FARS2: variants seen among roughly 807,000 people sequenced by gnomAD.
The protein encoded by FARS2 is phenylalanine--tRNA ligase, mitochondrial.
FARS2 carries 40 observed loss-of-function variants against 46.4 expected under a neutral mutation model. The observed-to-expected ratio is 0.86, with a 90% CI of 0.67 to 1.12. The LOEUF (loss-of-function observed/expected upper bound fraction) is 1.12. FARS2 is among the 50% of genes most tolerant of loss of function. FARS2 has a pLI of 0.00. For missense variants in FARS2, 513 were observed against 567.9 expected (o/e 0.90, Z 0.98); for synonymous variants, 234 against 214.9 (o/e 1.09, Z -0.78).
At chr6:5,659,502 C>T (rs1777751599) in intron 6 of FARS2, among the ~76,000 whole-genome samples, 1 of 152,200 alleles carries the variant, frequency 6.6e-6, no homozygotes, top group African/African-American at 2.4e-5. Flanking sequence ...CTCCCCTGTA[C>T]TGGTATGCCT....
Position 5,332,407 on chromosome 6 carries a change from TAGAA to T in FARS2, c.-21-36138_-21-36135del, listed in dbSNP as rs769377685. ...CAATATATGAAGTGCTAAGAATCAA[TAGAA>T]AGAAGTATATGGTTATAAAAAAGAA... is the stretch of plus-strand genomic sequence containing the variant. On this transcript the variant is annotated intron_variant, in intron 1 of 6. Transcript: ENST00000274680. Among the ~76,000 whole-genome samples the T allele has an allele frequency of 8.7e-4, 132 of 152,166 alleles. 1 individual carries two copies. The highest frequency in any genetic ancestry group is 1.9e-3 in the South Asian group (9 of 4,820).
chr6:5,357,463 T>A (rs940566649), intron 1 of FARS2, among the ~76,000 whole-genome samples: 5 of 152,150 alleles, frequency 3.3e-5, no homozygotes, highest in Admixed American at 1.3e-4. Flanking sequence ...GTAAGTTTAG[T>A]GAGTGTTTTA....
intron 1 of FARS2, among the ~76,000 whole-genome samples, chr6:5,298,128 C>A (rs1390247618): frequency 6.6e-6 from 1 of 152,220 alleles, no homozygotes. Flanking sequence ...AGAGGATATG[C>A]ATTTTCCCTC....
intron 3 of FARS2, among the ~76,000 whole-genome samples, chr6:5,418,067 A>G (rs1305968439): frequency 6.6e-6 from 1 of 152,138 alleles, no homozygotes; most frequent in East Asian, 1.9e-4. Flanking sequence ...TCTTTTTAAT[A>G]TCATCCCTGT....
At chr6:5,503,976 A>G (rs1014293323) in intron 4 of FARS2, among the ~76,000 whole-genome samples, 2 of 152,212 alleles carry the variant, frequency 1.3e-5, no homozygotes, top group African/African-American at 4.8e-5. Context: ...AAAGTATTCA[A>G]TTACTGGAGT....
chr6:5,293,514 G>A (rs1173117245), intron 1 of FARS2, among the ~76,000 whole-genome samples: 1 of 152,078 alleles, frequency 6.6e-6, no homozygotes, highest in Non-Finnish European at 1.5e-5. Flanking sequence ...CACAACACTG[G>A]GCCATGTGAT....
chr6:5,396,089 T>G (rs1232064651), intron 2 of FARS2, among the ~76,000 whole-genome samples: 1 of 140,102 alleles, frequency 7.1e-6, no homozygotes, highest in Non-Finnish European at 1.5e-5. Context: ...TTGTATTTAC[T>G]AAATTCATTG....
At chr6:5,256,577 G>A (rs1226979821), upstream of FARS2, among the ~76,000 whole-genome samples, 1 of 143,006 alleles carries the variant, frequency 7.0e-6, no homozygotes, top group Non-Finnish European at 1.5e-5. Flanking sequence ...TTTACACTGT[G>A]TGAGATGGAT....
rs1758053670 is a variant in FARS2 at position 5,695,594 on chromosome 6, G to A, written c.1218-75697G>A. Among the ~76,000 whole-genome samples the A allele has an allele frequency of 2.6e-5, 4 of 152,358 alleles. No individual in the cohort carries two copies. The South Asian group carries it at 8.3e-4, about 32-fold the overall frequency. The stretch of plus-strand genomic sequence containing the variant: ...TCCCAATTTTACAGATGAGGAAATT[G>A]AAGTTCTGGGAGGATGAGTAACTTG... On this transcript the variant is annotated intron_variant, in intron 6 of 6. Transcript: ENST00000274680.
At chr6:5,675,831 G>T (rs138701942) in intron 6 of FARS2, among the ~76,000 whole-genome samples, 1 of 152,110 alleles carries the variant, frequency 6.6e-6, no homozygotes, top group East Asian at 1.9e-4. Flanking sequence ...TAACATATCC[G>T]GTAGGAAGTT....
intron 6 of FARS2, among the ~76,000 whole-genome samples, chr6:5,667,866 T>C (rs912882790): frequency 1.3e-5 from 2 of 152,258 alleles, no homozygotes; most frequent in Non-Finnish European, 2.9e-5. Context: ...AGACAGGTGC[T>C]ATTTCCTCAA....
intron 6 of FARS2, among the ~76,000 whole-genome samples, chr6:5,694,712 G>A (rs1173142857): frequency 2.0e-5 from 3 of 152,040 alleles, no homozygotes; most frequent in Admixed American, 6.6e-5. Context: ...TATATGGAAT[G>A]CCATGTAACG....
At chr6:5,396,795 G>A (rs1183208040) in intron 2 of FARS2, among the ~76,000 whole-genome samples, 1 of 152,178 alleles carries the variant, frequency 6.6e-6, no homozygotes, top group African/African-American at 2.4e-5. Context: ...GGCAAGATGG[G>A]GAAGTCAAAC....
At chr6:5,702,823 G>C (rs774800614) in intron 6 of FARS2, among the ~76,000 whole-genome samples, 1 of 152,168 alleles carries the variant, frequency 6.6e-6, no homozygotes, top group Non-Finnish European at 1.5e-5. Flanking sequence ...AGGACTAAGA[G>C]AATGAGGAGG....
intron 6 of FARS2, among the ~76,000 whole-genome samples, chr6:5,707,665 G>A (rs573287148): frequency 6.6e-6 from 1 of 152,196 alleles, no homozygotes; most frequent in Admixed American, 6.5e-5. Flanking sequence ...CCCCAGGAGG[G>A]GAAGGGCAAA....
chr6:5,271,252 C>T (rs1535296), intron 1 of FARS2, among the ~76,000 whole-genome samples: 4,293 of 152,224 alleles, frequency 0.028, 203 homozygotes, highest in African/African-American at 0.097. Context: ...AGTTTGGGGG[C>T]GCTTGTTTCC....
At chr6:5,595,390 G>T (rs888350487) in intron 5 of FARS2, among the ~76,000 whole-genome samples, 3 of 152,162 alleles carry the variant, frequency 2.0e-5, no homozygotes, top group African/African-American at 7.2e-5. Flanking sequence ...TTTCGCTTCT[G>T]TCGGCATTCT....
At position 5,694,053 on chromosome 6, in the gene FARS2, A is replaced by G. The variant is rs75817277; in HGVS notation, c.1218-77238A>G. ...GGAGGATTGTCAAAGCCGCACTGGAAGATCATGTAAGTTGGATGATAGCAT... is the reference window on the plus strand; with the variant it reads ...GGAGGATTGTCAAAGCCGCACTGGAGGATCATGTAAGTTGGATGATAGCAT... On this transcript the variant is annotated intron_variant, in intron 6 of 6. Coordinates refer to ENST00000274680, the MANE Select transcript of FARS2 (RefSeq NM_006567.5). 1.5e-3 allele frequency among the ~76,000 whole-genome samples: 226 copies of G among 152,364 alleles called. 1 individual carries two copies. Among genetic ancestry groups the G allele is most frequent in the African/African-American group, 5.4e-3 (223 of 41,590 alleles).
Position 5,727,123 on chromosome 6 carries a change from A to T in FARS2, c.1218-44168A>T, listed in dbSNP as rs1341807481. 6.6e-6 allele frequency among the ~76,000 whole-genome samples: 1 copy of T among 152,212 alleles called. No individual in the cohort carries two copies. Among genetic ancestry groups the T allele is most frequent in the Non-Finnish European group, 1.5e-5 (1 of 68,030 alleles). On this transcript the variant is annotated intron_variant, in intron 6 of 6. Coordinates refer to ENST00000274680, the MANE Select transcript of FARS2 (RefSeq NM_006567.5). The surrounding 1 kb of genome is among the most constrained non-coding windows in gnomAD (Gnocchi z 4.1). ...TCCTCACCGGGCTGTTACTGGTAGG[A>T]AAAGCGTGACTGCAGTGCATGGCAC...
Sources: gnomAD v4.1 joint callset for allele counts (sites outside exome capture counted in the v4.1 genomes callset) on GRCh38, gnomAD v4.1.1 for gene constraint, Gnocchi (gnomAD v3.1) non-coding constraint, MANE v1.5 for transcripts, NCBI Gene and HGNC (gene_info 2026-07-23, HGNC 2026-07-21) for gene names.